The following MAGI2 variants were observed in gnomAD, a reference collection of about 807,000 sequenced individuals.
MAGI2 encodes the protein membrane-associated guanylate kinase, WW and PDZ domain-containing protein 2.
In MAGI2, 35 loss-of-function variants were observed where a neutral mutation model predicts 133.3. The ratio of observed to expected loss-of-function variants is 0.26; its 90% CI spans 0.20 to 0.35. The LOEUF (loss-of-function observed/expected upper bound fraction) is 0.35, where lower values mean the gene tolerates loss of function less well. MAGI2 is among the 10% of genes least tolerant of loss of function. The pLI, the probability that MAGI2 is intolerant of heterozygous loss-of-function variation, is 1.00. For synonymous variants in MAGI2, 729 were observed against 710.6 expected (o/e 1.03, Z -0.41); for missense variants, 1,636 against 1,863.4 (o/e 0.88, Z 2.25).
intron 2 of MAGI2, among the ~76,000 whole-genome samples, chr7:78,689,159 T>C (rs928725031): frequency 1.3e-5 from 2 of 152,172 alleles, no homozygotes; most frequent in African/African-American, 4.8e-5. Context: ...AAATATGACA[T>C]TGAAGTGTGA....
At chr7:79,343,706 C>G (rs1841085174) in intron 1 of MAGI2, among the ~76,000 whole-genome samples, 1 of 152,104 alleles carries the variant, frequency 6.6e-6, no homozygotes. Context: ...GGAATAGTTT[C>G]TTATGTAACA....
chr7:78,218,299 C>T (rs1467704221), intron 10 of MAGI2, among the ~76,000 whole-genome samples: 3 of 152,198 alleles, frequency 2.0e-5, no homozygotes, highest in African/African-American at 7.2e-5. Context: ...GAGGGCTTCC[C>T]ACTGAATCAT....
At chr7:78,705,785 T>A (rs323160) in intron 2 of MAGI2, among the ~76,000 whole-genome samples, 89,800 of 152,004 alleles carry the variant, frequency 0.59, 26,627 homozygotes, top group East Asian at 0.67. Flanking sequence ...CCTTTTGACT[T>A]AACATTTCCA....
chr7:78,488,857 A>G (rs1793322930), intron 6 of MAGI2, among the ~76,000 whole-genome samples: 1 of 151,998 alleles, frequency 6.6e-6, no homozygotes, highest in East Asian at 1.9e-4. Context: ...TTTTAGAATG[A>G]GACACTTTTT....
chr7:78,442,096 T>A (rs755394772), intron 6 of MAGI2, among the ~76,000 whole-genome samples: 4 of 152,172 alleles, frequency 2.6e-5, no homozygotes, highest in Non-Finnish European at 5.9e-5. Context: ...CTACACAAAC[T>A]CTTCTTCCAA....
At chr7:78,449,636 C>T (rs888961332) in intron 6 of MAGI2, among the ~76,000 whole-genome samples, 1 of 152,122 alleles carries the variant, frequency 6.6e-6, no homozygotes. Context: ...ATTTTTGTAG[C>T]CTTCCTGTTC....
chr7:78,376,870 A>G (rs1037437098), intron 6 of MAGI2, among the ~76,000 whole-genome samples: 1 of 152,116 alleles, frequency 6.6e-6, no homozygotes, highest in African/African-American at 2.4e-5. Flanking sequence ...TGCAAGCGGC[A>G]TTACAAGGTC....
intron 10 of MAGI2, among the ~76,000 whole-genome samples, chr7:78,225,418 C>T (rs962668629): frequency 3.9e-5 from 6 of 152,066 alleles, no homozygotes; most frequent in African/African-American, 1.4e-4. Flanking sequence ...GGCACAGTCA[C>T]CATTCACTGC....
intron 9 of MAGI2, among the ~76,000 whole-genome samples, chr7:78,314,928 G>C (rs1249581250): frequency 2.0e-5 from 3 of 152,058 alleles, no homozygotes; most frequent in African/African-American, 7.2e-5. Flanking sequence ...GTTAACTGTT[G>C]GGTATACCCC....
intron 20 of MAGI2, among the ~76,000 whole-genome samples, chr7:78,125,246 A>G (rs1163605757): frequency 3.9e-5 from 6 of 152,166 alleles, no homozygotes; most frequent in South Asian, 2.1e-4. Context: ...CCAGTATCAA[A>G]CCAAAAGACC....
chr7:78,647,471 T>C (rs903820491), intron 2 of MAGI2, among the ~76,000 whole-genome samples: 20 of 152,108 alleles, frequency 1.3e-4, no homozygotes, highest in East Asian at 5.8e-4. Flanking sequence ...GTTAGAATGG[T>C]GATCATTAAA....
At chr7:78,755,800 C>T (rs973945509) in intron 2 of MAGI2, among the ~76,000 whole-genome samples, 10 of 152,124 alleles carry the variant, frequency 6.6e-5, no homozygotes, top group Admixed American at 4.6e-4. Flanking sequence ...AAGTATGTTC[C>T]CCTATAGAAC....
chr7:78,096,538 T>C (rs1395617122), intron 20 of MAGI2, among the ~76,000 whole-genome samples: 1 of 152,230 alleles, frequency 6.6e-6, no homozygotes, highest in African/African-American at 2.4e-5. Context: ...ATCTTCTTTA[T>C]TGAGAGTTAA....
chr7:78,189,489 C>G (rs1450549461), intron 12 of MAGI2, among the ~76,000 whole-genome samples: 2 of 152,184 alleles, frequency 1.3e-5, no homozygotes, highest in African/African-American at 4.8e-5. Context: ...CCATAAGGCA[C>G]ATTACACCAT....
At chr7:78,630,413 C>CT (rs35696228) in intron 2 of MAGI2, among the ~76,000 whole-genome samples, 34,842 of 111,710 alleles carry the variant, frequency 0.31, 6,212 homozygotes, top group Admixed American at 0.36. Context: ...TTGTGTTTAA[C>CT]TTTTTTTTTT....
intron 3 of MAGI2, among the ~76,000 whole-genome samples, chr7:78,526,453 C>T (rs973908753): frequency 1.6e-4 from 24 of 152,154 alleles, no homozygotes; most frequent in Non-Finnish European, 3.2e-4. Context: ...TTAGCAGTTT[C>T]TTGTAAGTTT....
chr7:78,198,394 A>G (rs1027138645), intron 11 of MAGI2, among the ~76,000 whole-genome samples: 1 of 150,116 alleles, frequency 6.7e-6, no homozygotes, highest in African/African-American at 2.5e-5. Flanking sequence ...GGCATCAAAT[A>G]GTAAAACAGA....
Position 78,252,546 on chromosome 7 carries a change from A to G in MAGI2, c.2047+3397T>C, listed in dbSNP as rs954166852. The stretch of plus-strand genomic sequence containing the variant: ...CTTGACATGTTTACAGACCTAAATA[A>G]AAGAGCTAAAGGTATACAATTTTTA... On this transcript the variant is annotated intron_variant, in intron 10 of 21. Coordinates refer to ENST00000354212, the MANE Select transcript of MAGI2 (RefSeq NM_012301.4). 2.4e-4 allele frequency: 37 copies of G among 152,142 alleles called. 1 individual carries two copies. The highest frequency in any genetic ancestry group is 2.1e-4 in the South Asian group (1 of 4,834). The allele number at this position is 152,142 out of a possible 1,614,324, so 9.4% of individuals were successfully genotyped here.
At chr7:78,542,582 A>G (rs545995312) in intron 3 of MAGI2, among the ~76,000 whole-genome samples, 2 of 152,188 alleles carry the variant, frequency 1.3e-5, no homozygotes, top group Non-Finnish European at 2.9e-5. Context: ...TGAAAAAGCT[A>G]ATGAAAATTT....
Sources: allele counts gnomAD v4.1 joint callset (sites outside exome capture counted in the v4.1 genomes callset), GRCh38; gene constraint gnomAD v4.1.1; transcripts MANE v1.5; gene names NCBI Gene and HGNC (gene_info 2026-07-23, HGNC 2026-07-21).